ZNF385D: variants seen among roughly 807,000 people sequenced by gnomAD.
ZNF385D encodes zinc finger protein 385D, also known as zinc finger protein 659.
A neutral mutation model predicts 35.8 loss-of-function variants in ZNF385D; 15 were observed. That is an observed-to-expected ratio of 0.42 (90% CI 0.28 to 0.64). The LOEUF (loss-of-function observed/expected upper bound fraction) is 0.64, where lower values mean the gene tolerates loss of function less well. Ranked by LOEUF, ZNF385D falls within the 30% of genes least tolerant of loss-of-function variation. The probability of loss-of-function intolerance (pLI) is 0.23; values close to 1 mark genes in which losing one functional copy is unlikely to be tolerated. For missense variants in ZNF385D, 474 were observed against 494.6 expected (o/e 0.96, Z 0.39); for synonymous variants, 212 against 186.8 (o/e 1.13, Z -1.10).
chr3:21,949,805 T>C, intron 3 of ZNF385D, among the ~76,000 whole-genome samples: 1 of 152,088 alleles, frequency 6.6e-6, no homozygotes, highest in East Asian at 1.9e-4. Context: ...GAACAGGCAG[T>C]ATTTGGTTTT....
chr3:22,143,978 T>A (rs778370101), intron 3 of ZNF385D, among the ~76,000 whole-genome samples: 1 of 152,200 alleles, frequency 6.6e-6, no homozygotes, highest in Non-Finnish European at 1.5e-5. Flanking sequence ...AAAGTAAGTA[T>A]TGTCAGCTAC....
At chr3:21,729,478 C>CT (rs2068901175) in intron 1 of ZNF385D, among the ~76,000 whole-genome samples, 1 of 152,070 alleles carries the variant, frequency 6.6e-6, no homozygotes, top group African/African-American at 2.4e-5. Flanking sequence ...GGCAGTGTGA[C>CT]TTAAGGACTT....
intron 1 of ZNF385D, among the ~76,000 whole-genome samples, chr3:21,673,061 T>C (rs1221943036): frequency 6.6e-6 from 1 of 152,130 alleles, no homozygotes; most frequent in East Asian, 1.9e-4. Flanking sequence ...CCTGGAATAT[T>C]CCTCTCAAGT....
rs140001494 is a variant in ZNF385D at position 21,731,792 on chromosome 3, G to A, written c.22+19103C>T. On this transcript the variant is annotated intron_variant, in intron 1 of 7. Coordinates refer to ENST00000281523, the MANE Select transcript of ZNF385D (RefSeq NM_024697.3). ...TGTCATTCAAGGGTCAAATGTAGTT[G>A]GAATAGTACAGTATGCAGCCTTTTC... is the stretch of plus-strand genomic sequence containing the variant. Among the ~76,000 whole-genome samples, 66 of 152,146 alleles carry A rather than the reference G, an allele frequency of 4.3e-4. No individual in the cohort carries two copies. The East Asian group carries it at 0.01, about 24-fold the overall frequency.
intron 3 of ZNF385D, among the ~76,000 whole-genome samples, chr3:21,803,278 A>C (rs992309299): frequency 6.6e-6 from 1 of 152,140 alleles, no homozygotes; most frequent in Non-Finnish European, 1.5e-5. Flanking sequence ...GTGTGCCCAA[A>C]ATGAGAAGAC....
At chr3:21,758,424 T>C (rs921966643) in intron 3 of ZNF385D, among the ~76,000 whole-genome samples, 2 of 152,154 alleles carry the variant, frequency 1.3e-5, no homozygotes, top group Admixed American at 1.3e-4. Flanking sequence ...GAATTACATG[T>C]ATTTAGGCTA....
chr3:21,437,281 A>T (rs1701604616), intron 4 of ZNF385D, 78 bp from the exon 5 acceptor site: 1 of 1,333,968 alleles, frequency 7.5e-7, no homozygotes, highest in Non-Finnish European at 1.0e-6. Context: ...TATCATGAAT[A>T]TTGCATTCTG....
chr3:21,424,118 C>CTCACAAATA, intron 6 of ZNF385D, 54 bp from the exon 7 acceptor site: 1 of 1,468,028 alleles, frequency 6.8e-7, no homozygotes, highest in South Asian at 1.3e-5. Context: ...GCAAAAACCT[C>CTCACAAATA]TCACAAATAT....
intron 3 of ZNF385D, among the ~76,000 whole-genome samples, chr3:21,761,239 G>T (rs781666403): frequency 6.6e-6 from 1 of 152,194 alleles, no homozygotes; most frequent in African/African-American, 2.4e-5. Context: ...AAATTCATGA[G>T]AGACTCCTAG....
chr3:21,747,045 T>C (rs913916170), intron 1 of ZNF385D, among the ~76,000 whole-genome samples: 32 of 151,972 alleles, frequency 2.1e-4, no homozygotes, highest in African/African-American at 7.7e-4. Flanking sequence ...TTTTCTTTTT[T>C]TTTTTTTTTT....
At chr3:22,342,339 C>T (rs1390399596) in intron 2 of ZNF385D, among the ~76,000 whole-genome samples, 4 of 149,858 alleles carry the variant, frequency 2.7e-5, no homozygotes, top group African/African-American at 9.9e-5. Context: ...TTTCATTTTA[C>T]CAGTTACTCA....
intron 3 of ZNF385D, among the ~76,000 whole-genome samples, chr3:22,046,301 T>C (rs1187545573): frequency 6.6e-6 from 1 of 152,182 alleles, no homozygotes; most frequent in East Asian, 1.9e-4. Context: ...TAACCATATG[T>C]TACCAGTCCT....
intron 3 of ZNF385D, among the ~76,000 whole-genome samples, chr3:21,798,042 A>T (rs2125677857): frequency 6.6e-6 from 1 of 152,332 alleles, no homozygotes; most frequent in South Asian, 2.1e-4. Context: ...GGCAACAATG[A>T]TGTGTCAATG....
At chr3:21,750,610 G>A (rs1020575650) in intron 1 of ZNF385D, among the ~76,000 whole-genome samples, 1 of 152,034 alleles carries the variant, frequency 6.6e-6, no homozygotes, top group Non-Finnish European at 1.5e-5. Flanking sequence ...AGCTAAAAGA[G>A]CCAACTTCAT....
At chr3:21,664,644 G>C (rs537572699) in intron 2 of ZNF385D, among the ~76,000 whole-genome samples, 9 of 152,302 alleles carry the variant, frequency 5.9e-5, no homozygotes, top group Middle Eastern at 3.4e-3. Flanking sequence ...GAAGACACTA[G>C]AGGGGATACA....
intron 3 of ZNF385D, among the ~76,000 whole-genome samples, chr3:21,967,253 T>C (rs1339986763): frequency 6.6e-6 from 1 of 152,170 alleles, no homozygotes; most frequent in African/African-American, 2.4e-5. Flanking sequence ...TTCTGGTCTT[T>C]TCTCGTCAAA....
intron 2 of ZNF385D, among the ~76,000 whole-genome samples, chr3:22,229,380 G>T (rs944042317): frequency 6.6e-6 from 1 of 152,152 alleles, no homozygotes; most frequent in Non-Finnish European, 1.5e-5. Flanking sequence ...ACTGTTGGCC[G>T]CCTCCCAGGT....
At chr3:22,186,050 C>T (rs1247354161) in intron 2 of ZNF385D, among the ~76,000 whole-genome samples, 1 of 152,090 alleles carries the variant, frequency 6.6e-6, no homozygotes, top group African/African-American at 2.4e-5. Context: ...TTGGGACTTT[C>T]CTGGACAAAC....
chr3:21,880,694 T>A (rs753123748), intron 3 of ZNF385D, among the ~76,000 whole-genome samples: 1 of 151,944 alleles, frequency 6.6e-6, no homozygotes, highest in East Asian at 1.9e-4. Context: ...AAGCTAGAAA[T>A]GATTAAGCTT....
Sources: gnomAD v4.1 joint callset for allele counts (sites outside exome capture counted in the v4.1 genomes callset) on GRCh38, gnomAD v4.1.1 for gene constraint, MANE v1.5 for transcripts, NCBI Gene and HGNC (gene_info 2026-07-23, HGNC 2026-07-21) for gene names.